EEFSEC: variants seen among roughly 807,000 people sequenced by gnomAD.
EEFSEC encodes the protein eukaryotic elongation factor, selenocysteine-tRNA specific, also known as selenocysteine-specific elongation factor.
A neutral mutation model predicts 42.1 loss-of-function variants in EEFSEC; 43 were observed. That is an observed-to-expected ratio of 1.02 (90% CI 0.80 to 1.32). The LOEUF (loss-of-function observed/expected upper bound fraction) is 1.32, where lower values mean the gene tolerates loss of function less well. Among genes scored for constraint, EEFSEC ranks in the 40% most tolerant of loss-of-function variants. EEFSEC has a pLI of 0.00. For missense variants in EEFSEC, 745 were observed against 803.6 expected (o/e 0.93, Z 0.88); for synonymous variants, 354 against 339.1 (o/e 1.04, Z -0.48).
chr3:128,171,611 C>T (rs1317684277), intron 1 of EEFSEC, among the ~76,000 whole-genome samples: 4 of 152,124 alleles, frequency 2.6e-5, no homozygotes, highest in African/African-American at 9.7e-5. Flanking sequence ...TGCAAGTTCA[C>T]AGTATTAACC....
the EEFSEC span, among the ~76,000 whole-genome samples, chr3:128,419,915 C>T: frequency 0.039 from 5,886 of 152,200 alleles, 379 homozygotes; most frequent in African/African-American, 0.13. Flanking sequence ...GTTTGTCATG[C>T]CTAGGAGTTC....
chr3:128,394,371 G>A (rs921043109), intron 6 of EEFSEC, among the ~76,000 whole-genome samples: 4 of 152,172 alleles, frequency 2.6e-5, no homozygotes, highest in Non-Finnish European at 5.9e-5. Flanking sequence ...CAGTAATCAG[G>A]GTGCTACATA....
chr3:128,425,830 CAG>C, the EEFSEC span, among the ~76,000 whole-genome samples: 1 of 152,182 alleles, frequency 6.6e-6, no homozygotes, highest in Non-Finnish European at 1.5e-5. Context: ...GCAATGCTAA[CAG>C]GGTGACTGGG....
chr3:128,368,246 A>G (rs542618182), intron 6 of EEFSEC, among the ~76,000 whole-genome samples: 6 of 152,342 alleles, frequency 3.9e-5, no homozygotes, highest in African/African-American at 1.2e-4. Context: ...AGACTGGCCA[A>G]TGTGGCAAAA....
In EEFSEC at chr3:128,404,121, C is replaced by T. The variant is rs950561102; in HGVS notation, c.1601-3948C>T. On this transcript the variant is annotated intron_variant, in intron 6 of 6. Transcript: ENST00000254730. ...CCACGTGACAACCTGGGTTGCTCTTCACTTCCCTATGTTTGCCACATGGCT... is the reference window on the plus strand; with the variant it reads ...CCACGTGACAACCTGGGTTGCTCTTTACTTCCCTATGTTTGCCACATGGCT... Among the ~76,000 whole-genome samples the T allele has an allele frequency of 2.0e-5, 3 of 152,348 alleles. No homozygotes were observed. The East Asian group carries it at 5.8e-4, about 29-fold the overall frequency.
chr3:128,189,582 C>A (rs1332881922), intron 1 of EEFSEC, among the ~76,000 whole-genome samples: 1 of 147,408 alleles, frequency 6.8e-6, no homozygotes, highest in African/African-American at 2.5e-5. Flanking sequence ...TTTTCCGAGC[C>A]AGGGTCTGGC....
rs774008880 is a variant in EEFSEC at position 128,247,058 on chromosome 3, G to T, written c.524+15G>T. The T allele has an allele frequency of 8.1e-6, 13 of 1,613,254 alleles. No homozygotes were observed. In the East Asian group the frequency reaches 2.5e-4, roughly 30 times the overall value. Reference sequence around the variant, plus strand: ...GAGAACACCAAGTAGGTCTGCTAATGAGAGCAATGTTCACTGCATAAGAAG... The same window carrying T: ...GAGAACACCAAGTAGGTCTGCTAATTAGAGCAATGTTCACTGCATAAGAAG... On this transcript the variant is annotated intron_variant, in intron 2 of 6. Coordinates refer to ENST00000254730, the MANE Select transcript of EEFSEC (RefSeq NM_021937.5).
At chr3:128,307,737 G>C (rs909891700) in intron 4 of EEFSEC, among the ~76,000 whole-genome samples, 1 of 152,228 alleles carries the variant, frequency 6.6e-6, no homozygotes, top group Non-Finnish European at 1.5e-5. Flanking sequence ...CACACATTGG[G>C]CAGGGTATCA....
At chr3:128,334,718 T>G (rs2067171194) in intron 4 of EEFSEC, among the ~76,000 whole-genome samples, 1 of 152,246 alleles carries the variant, frequency 6.6e-6, no homozygotes, top group Non-Finnish European at 1.5e-5. Context: ...TTTGCTTGTT[T>G]GATGTGTTCC....
chr3:128,193,077 T>C (rs72985540), intron 1 of EEFSEC, among the ~76,000 whole-genome samples: 301 of 152,298 alleles, frequency 2.0e-3, no homozygotes, highest in African/African-American at 6.9e-3. Flanking sequence ...ACGGCTTGCA[T>C]GAATCCTCTG....
At chr3:128,175,212 A>G (rs1035631412) in intron 1 of EEFSEC, among the ~76,000 whole-genome samples, 2 of 148,170 alleles carry the variant, frequency 1.3e-5, no homozygotes, top group Non-Finnish European at 3.0e-5. Flanking sequence ...AGTCAACCCC[A>G]GGTCCTGAGC....
chr3:128,205,920 A>G (rs1052590585), intron 1 of EEFSEC, among the ~76,000 whole-genome samples: 1 of 152,142 alleles, frequency 6.6e-6, no homozygotes, highest in African/African-American at 2.4e-5. Context: ...TATTGACAGT[A>G]CAGCATTTTG....
At chr3:128,259,924 T>C (rs999512255) in intron 2 of EEFSEC, among the ~76,000 whole-genome samples, 2 of 152,208 alleles carry the variant, frequency 1.3e-5, no homozygotes, top group African/African-American at 2.4e-5. Context: ...CATCTATTGA[T>C]AGACATTTGA....
chr3:128,336,345 C>G (rs946778060), intron 4 of EEFSEC, among the ~76,000 whole-genome samples: 1 of 152,192 alleles, frequency 6.6e-6, no homozygotes, highest in Non-Finnish European at 1.5e-5. Flanking sequence ...TGTTTCCTTT[C>G]TTACTTCTCT....
chr3:128,411,367 G>A (rs566438132), downstream of EEFSEC, among the ~76,000 whole-genome samples: 14 of 152,356 alleles, frequency 9.2e-5, no homozygotes, highest in South Asian at 2.9e-3. Flanking sequence ...TGATGTGGCA[G>A]CAGCATGCCG....
chr3:128,332,597 AC>A (rs2067145885), intron 4 of EEFSEC, among the ~76,000 whole-genome samples: 1 of 151,138 alleles, frequency 6.6e-6, no homozygotes, highest in East Asian at 1.9e-4. Flanking sequence ...GATTACAGGC[AC>A]CCGCCATAAT....
At chr3:128,218,752 T>C (rs2107843552) in intron 1 of EEFSEC, among the ~76,000 whole-genome samples, 1 of 152,312 alleles carries the variant, frequency 6.6e-6, no homozygotes, top group African/African-American at 2.4e-5. Flanking sequence ...GAACAGAGCC[T>C]CCCCTACCCC....
intron 4 of EEFSEC, among the ~76,000 whole-genome samples, chr3:128,295,451 CTTTTTTTTT>C (rs201911929): frequency 2.3e-4 from 15 of 63,986 alleles, no homozygotes; most frequent in African/African-American, 7.4e-4. Context: ...CTTCCCCCTA[CTTTTTTTTT>C]TTTTTTTTTT....
chr3:128,280,540 A>G (rs1303123175), intron 4 of EEFSEC, among the ~76,000 whole-genome samples: 1 of 152,114 alleles, frequency 6.6e-6, no homozygotes, highest in Non-Finnish European at 1.5e-5. Flanking sequence ...TCCTTTTCAG[A>G]AAGCTGGAAT....
Sources: gnomAD v4.1 joint callset for allele counts (sites outside exome capture counted in the v4.1 genomes callset) on GRCh38, gnomAD v4.1.1 for gene constraint, MANE v1.5 for transcripts, NCBI Gene and HGNC (gene_info 2026-07-23, HGNC 2026-07-21) for gene names.